The following CCDC134 variants were observed in gnomAD, a reference collection of about 807,000 sequenced individuals.
The protein encoded by CCDC134 is coiled-coil domain-containing protein 134.
A neutral mutation model predicts 25.6 loss-of-function variants in CCDC134; 27 were observed. That is an observed-to-expected ratio of 1.05 (90% CI 0.78 to 1.45). The LOEUF is 1.45. Among genes scored for constraint, CCDC134 ranks in the 40% most tolerant of loss-of-function variants. The pLI is 0.00. For missense variants in CCDC134, 261 were observed against 286.7 expected (o/e 0.91, Z 0.65); for synonymous variants, 110 against 115.0 (o/e 0.96, Z 0.28).
intron 1 of CCDC134, among the ~76,000 whole-genome samples, chr22:41,806,602 G>A (rs4820444): frequency 0.17 from 25,193 of 152,032 alleles, 3,024 homozygotes; most frequent in Admixed American, 0.36. Context: ...TGTGTCGCAA[G>A]CAATACAGAA....
chr22:41,822,721 G>A (rs1245502017), intron 6 of CCDC134, among the ~76,000 whole-genome samples: 1 of 152,156 alleles, frequency 6.6e-6, no homozygotes. Context: ...TGGCCTAAGG[G>A]GTCTCCCAGC....
intron 6 of CCDC134, among the ~76,000 whole-genome samples, chr22:41,820,925 C>G (rs1204020754): frequency 6.6e-6 from 1 of 152,158 alleles, no homozygotes; most frequent in African/African-American, 2.4e-5. Context: ...ACACAGTCAT[C>G]TGGGGCATCG....
At chr22:41,809,833 C>A (rs1343366543) in intron 2 of CCDC134, 46 bp from the exon 3 acceptor site, 1 of 1,611,236 alleles carries the variant, frequency 6.2e-7, no homozygotes, top group Non-Finnish European at 8.5e-7. Context: ...GCTGGATTGT[C>A]CAGGCAGGGC....
chr22:41,809,478 G>A (rs978308243), intron 2 of CCDC134, among the ~76,000 whole-genome samples: 3 of 152,214 alleles, frequency 2.0e-5, no homozygotes, highest in African/African-American at 7.2e-5. Context: ...GAGAAACACT[G>A]TGTGATGGTT....
At chr22:41,821,476 C>A (rs1470802637) in intron 6 of CCDC134, among the ~76,000 whole-genome samples, 1 of 150,448 alleles carries the variant, frequency 6.6e-6, no homozygotes, top group Non-Finnish European at 1.5e-5. Flanking sequence ...CCCCCTCCCC[C>A]CACCAGTCCC....
intron 1 of CCDC134, among the ~76,000 whole-genome samples, chr22:41,803,343 G>A (rs1569352322): frequency 6.6e-6 from 1 of 152,158 alleles, no homozygotes; most frequent in Non-Finnish European, 1.5e-5. Flanking sequence ...ATGTCTACCT[G>A]GAGTTCATTG....
At chr22:41,819,969 A>ATG (rs1337981308) in intron 6 of CCDC134, among the ~76,000 whole-genome samples, 1 of 102,592 alleles carries the variant, frequency 9.7e-6, no homozygotes, top group Non-Finnish European at 1.9e-5. Flanking sequence ...CACTTTATAT[A>ATG]TATATATATA....
intron 1 of CCDC134, among the ~76,000 whole-genome samples, chr22:41,804,825 A>C (rs1335113909): frequency 6.6e-6 from 1 of 151,514 alleles, no homozygotes; most frequent in East Asian, 2.0e-4. Flanking sequence ...ATCTCAGTAC[A>C]TTGGGAGCCC....
chr22:41,810,100 G>A lies in CCDC134; in HGVS notation c.225+100G>A, dbSNP rs961289891. 7.5e-6 allele frequency: 12 copies of A among 1,593,988 alleles called. No homozygotes were observed. The African/African-American group carries it at 1.5e-4, about 20-fold the overall frequency. ...CTAACGGGTTGGTGTTCAGGGACAG[G>A]GGAACTGCGCACACGTAAGACTTGA... On this transcript the variant is annotated intron_variant, in intron 3 of 6. Coordinates refer to ENST00000255784, the MANE Select transcript of CCDC134 (RefSeq NM_024821.5).
At chr22:41,822,476 A>T (rs1288278847) in intron 6 of CCDC134, among the ~76,000 whole-genome samples, 2 of 152,172 alleles carry the variant, frequency 1.3e-5, no homozygotes, top group African/African-American at 4.8e-5. Context: ...GACCTGACCC[A>T]GGCTGGTCAG....
chr22:41,818,822 G>T (rs1341571399), intron 6 of CCDC134, among the ~76,000 whole-genome samples: 2 of 152,232 alleles, frequency 1.3e-5, no homozygotes, highest in Non-Finnish European at 2.9e-5. Context: ...AACATGTGTG[G>T]ACACTCAAGG....
intron 3 of CCDC134, 49 bp from the exon 4 acceptor site, chr22:41,810,158 T>C: frequency 6.2e-7 from 1 of 1,602,298 alleles, no homozygotes; most frequent in Admixed American, 1.7e-5. Flanking sequence ...ATGGGAGCAG[T>C]CTGTGATGGG....
At chr22:41,820,676 G>A (rs2148318458) in intron 6 of CCDC134, among the ~76,000 whole-genome samples, 2 of 152,318 alleles carry the variant, frequency 1.3e-5, no homozygotes, top group South Asian at 4.1e-4. Flanking sequence ...AGAGAGAGGA[G>A]CGTTAAGCAT....
rs748730656 is a variant in CCDC134, at chr22:41,819,153, C to T, written c.564+5331C>T. On this transcript the variant is annotated intron_variant, in intron 6 of 6. Transcript: ENST00000255784. ...CCCCAGATTTGCTTGGCTCCCCTCA[C>T]ATACTCCCTCCATGCTGGTGAGAGT... Among the ~76,000 whole-genome samples the T allele has an allele frequency of 4.4e-4, 67 of 152,326 alleles. 1 individual carries two copies. The highest frequency in any genetic ancestry group is 3.9e-4 in the Admixed American group (6 of 15,288).
At chr22:41,802,932 A>T (rs184524322) in intron 1 of CCDC134, among the ~76,000 whole-genome samples, 84 of 147,928 alleles carry the variant, frequency 5.7e-4, no homozygotes, top group Admixed American at 1.6e-3. Context: ...AAAAAATAAA[A>T]AAATAAAAAA....
At chr22:41,814,078 A>G (rs2148312896) in intron 6 of CCDC134, among the ~76,000 whole-genome samples, 1 of 152,314 alleles carries the variant, frequency 6.6e-6, no homozygotes, top group Non-Finnish European at 1.5e-5. Flanking sequence ...GAACAAACCC[A>G]TCCCAGCACA....
chr22:41,825,898 G>A lies in CCDC134; in HGVS notation c.*75G>A. ...GAAGAAGAGGTGGAGGTGTGGTTGTGGTGGAGAGCACCAGCTAGCCCCTTC... is the reference window on the plus strand; with the variant it reads ...GAAGAAGAGGTGGAGGTGTGGTTGTAGTGGAGAGCACCAGCTAGCCCCTTC... On this transcript the variant is annotated 3_prime_UTR_variant, in exon 7 of 7. Transcript: ENST00000255784. The surrounding 1 kb of genome is among the most constrained non-coding windows in gnomAD (Gnocchi z 4.4). The A allele has an allele frequency of 6.3e-7, 1 of 1,585,278 alleles. No individual in the cohort carries two copies.
At chr22:41,812,016 A>G (rs2076598802) in intron 4 of CCDC134, among the ~76,000 whole-genome samples, 1 of 152,206 alleles carries the variant, frequency 6.6e-6, no homozygotes, top group Non-Finnish European at 1.5e-5. Context: ...GTTGACCAGT[A>G]GAAGCACATT....
intron 6 of CCDC134, among the ~76,000 whole-genome samples, chr22:41,814,713 A>G (rs574578630): frequency 2.0e-5 from 3 of 152,120 alleles, no homozygotes; most frequent in Non-Finnish European, 2.9e-5. Context: ...GGGTGTCTCA[A>G]GGGTCTAGGA....
Sources: gnomAD v4.1 joint callset for allele counts (sites outside exome capture counted in the v4.1 genomes callset) on GRCh38, gnomAD v4.1.1 for gene constraint, Gnocchi (gnomAD v3.1) non-coding constraint, MANE v1.5 for transcripts, NCBI Gene and HGNC (gene_info 2026-07-23, HGNC 2026-07-21) for gene names.